Variants in KAZN observed in about 807,000 individuals in gnomAD.
KAZN encodes kazrin, periplakin interacting protein.
Under a neutral mutation model 87.4 loss-of-function variants are expected in KAZN, and 40 were observed. The observed-to-expected ratio is 0.46, with a 90% confidence interval of 0.36 to 0.60. KAZN has a LOEUF of 0.60. Ranked by LOEUF, KAZN falls within the 20% of genes least tolerant of loss-of-function variation. The pLI is 0.00. For missense variants in KAZN, 898 were observed against 1,073.9 expected, an observed-to-expected ratio of 0.84 and a Z score of 2.29; for synonymous variants, 466 against 458.3, an observed-to-expected ratio of 1.02 and a Z score of -0.22.
At chr1:14,160,620 T>G (rs1645689429) in intron 1 of KAZN, among the ~76,000 whole-genome samples, 4 of 152,196 alleles carry the variant, frequency 2.6e-5, no homozygotes, top group African/African-American at 9.7e-5. Context: ...GGATAGTTGT[T>G]AACTTGGTGT....
rs573864932 is a variant in KAZN at position 14,176,423 on chromosome 1, TCAGCTGCCA to T, written c.92-3994_92-3986del. ...CAGGGTCACCATTTCCACCCCAATA[TCAGCTGCCA>T]CAGCTGCCACAGCTGCCCAGGGCAG... On this transcript the variant is annotated intron_variant, in intron 1 of 16. Coordinates refer to the KAZN transcript ENST00000636203. 1.9e-3 allele frequency among the ~76,000 whole-genome samples: 295 copies of T among 152,214 alleles called. 1 individual carries two copies. The highest frequency in any genetic ancestry group is 0.014 in the South Asian group (67 of 4,808).
chr1:14,500,903 T>C (rs987439901), intron 2 of KAZN, among the ~76,000 whole-genome samples: 4 of 152,010 alleles, frequency 2.6e-5, no homozygotes, highest in African/African-American at 4.8e-5. Context: ...CAAGAATACA[T>C]TGAAAATCTA....
intron 2 of KAZN, among the ~76,000 whole-genome samples, chr1:15,017,730 G>A (rs1222023714): frequency 6.6e-6 from 1 of 152,102 alleles, no homozygotes; most frequent in Non-Finnish European, 1.5e-5. Flanking sequence ...CTTGAACCTG[G>A]GAGGCGGAGG....
intron 2 of KAZN, among the ~76,000 whole-genome samples, chr1:14,549,569 C>T (rs940214333): frequency 2.6e-5 from 4 of 151,374 alleles, no homozygotes; most frequent in African/African-American, 9.7e-5. Context: ...TGGACCCAAA[C>T]TTACGAACAG....
intron 2 of KAZN, among the ~76,000 whole-genome samples, chr1:14,369,347 C>T (rs1187441366): frequency 1.3e-5 from 2 of 152,146 alleles, no homozygotes; most frequent in Admixed American, 6.5e-5. Flanking sequence ...AGTGCTTGCA[C>T]GACTGTATTT....
intron 1 of KAZN, among the ~76,000 whole-genome samples, chr1:14,639,612 C>T (rs1293410125): frequency 3.3e-5 from 5 of 152,102 alleles, no homozygotes; most frequent in Middle Eastern, 3.2e-3. Flanking sequence ...CTTCTCAGTC[C>T]TCTGACCTTT....
At chr1:14,626,576 G>A (rs1572078334) in intron 1 of KAZN, among the ~76,000 whole-genome samples, 1 of 152,140 alleles carries the variant, frequency 6.6e-6, no homozygotes, top group Admixed American at 6.5e-5. Context: ...CCAGCCTCTC[G>A]TCCACTTTCT....
chr1:14,924,826 G>A (rs995512949), intron 1 of KAZN, among the ~76,000 whole-genome samples: 3 of 152,144 alleles, frequency 2.0e-5, no homozygotes, highest in African/African-American at 7.2e-5. Flanking sequence ...GGAGCCAGGC[G>A]ATCCCGCGGC....
At chr1:14,853,255 A>G (rs1008542449) in intron 1 of KAZN, among the ~76,000 whole-genome samples, 1 of 152,102 alleles carries the variant, frequency 6.6e-6, no homozygotes, top group Non-Finnish European at 1.5e-5. Flanking sequence ...CTTTGATGAG[A>G]AGGTGCCCAG....
At chr1:14,888,728 C>G (rs989699710) in intron 1 of KAZN, among the ~76,000 whole-genome samples, 3 of 152,054 alleles carry the variant, frequency 2.0e-5, no homozygotes, top group Non-Finnish European at 4.4e-5. Flanking sequence ...ACAAATGACC[C>G]CAACATCTCA....
At chr1:14,374,423 C>CA (rs1342599652) in intron 2 of KAZN, among the ~76,000 whole-genome samples, 1 of 152,228 alleles carries the variant, frequency 6.6e-6, no homozygotes, top group Non-Finnish European at 1.5e-5. Context: ...GCAAGCTGTT[C>CA]AGATCCCCTT....
chr1:13,961,256 A>T (rs1641739717), intron 1 of KAZN, among the ~76,000 whole-genome samples: 2 of 152,148 alleles, frequency 1.3e-5, no homozygotes, highest in African/African-American at 4.8e-5. Context: ...TAAACCATAA[A>T]CTGCACTCAA....
intron 2 of KAZN, among the ~76,000 whole-genome samples, chr1:14,578,293 C>T (rs1675315748): frequency 6.6e-6 from 1 of 152,106 alleles, no homozygotes; most frequent in Admixed American, 6.5e-5. Context: ...CCCTGCCTTA[C>T]ACTAGCCTTT....
intron 1 of KAZN, among the ~76,000 whole-genome samples, chr1:14,033,853 A>G (rs143889512): frequency 2.6e-5 from 4 of 152,304 alleles, no homozygotes; most frequent in African/African-American, 9.6e-5. Flanking sequence ...CCTCAAACAC[A>G]TGCAAAGGAG....
At chr1:14,734,296 CTTTTTTCTTTTCT>C in intron 1 of KAZN, among the ~76,000 whole-genome samples, 1 of 132,802 alleles carries the variant, frequency 7.5e-6, no homozygotes, top group Admixed American at 8.7e-5. Context: ...CTGTGTTTTT[CTTTTTTCTTTTCT>C]TTTTTTTTTT....
chr1:14,387,990 A>G (rs1662084722), intron 2 of KAZN, among the ~76,000 whole-genome samples: 1 of 152,234 alleles, frequency 6.6e-6, no homozygotes, highest in South Asian at 2.1e-4. Context: ...GGACCCTCCG[A>G]TCCAGGTGCG....
intron 1 of KAZN, among the ~76,000 whole-genome samples, chr1:13,909,235 T>A (rs115614323): frequency 6.6e-6 from 1 of 152,224 alleles, no homozygotes; most frequent in South Asian, 2.1e-4. Flanking sequence ...ATAGCAACAA[T>A]GTATCTGCAA....
At chr1:14,417,714 G>C (rs928912212) in intron 2 of KAZN, among the ~76,000 whole-genome samples, 1 of 152,012 alleles carries the variant, frequency 6.6e-6, no homozygotes, top group East Asian at 1.9e-4. Flanking sequence ...AACCTACATC[G>C]GGCCGGGTGT....
chr1:14,260,481 A>G (rs1650926837), intron 2 of KAZN, among the ~76,000 whole-genome samples: 1 of 152,174 alleles, frequency 6.6e-6, no homozygotes, highest in African/African-American at 2.4e-5. Context: ...TGGCTGGAGC[A>G]GGGTGAGCCC....
Sources: allele counts gnomAD v4.1 joint callset (sites outside exome capture counted in the v4.1 genomes callset), GRCh38; gene constraint gnomAD v4.1.1; transcripts MANE v1.5; gene names NCBI Gene and HGNC (gene_info 2026-07-23, HGNC 2026-07-21).